KIAA1217: variants seen among roughly 807,000 people sequenced by gnomAD.
KIAA1217 encodes the protein sickle tail protein homolog.
KIAA1217 carries 88 observed loss-of-function variants against 163.9 expected under a neutral mutation model. The ratio of observed to expected loss-of-function variants is 0.54; its 90% CI spans 0.45 to 0.64. KIAA1217 has a LOEUF of 0.64. KIAA1217 is among the 30% of genes least tolerant of loss of function. The pLI, the probability that KIAA1217 is intolerant of heterozygous loss-of-function variation, is 0.00. For synonymous variants in KIAA1217, 903 were observed against 923.1 expected (o/e 0.98, Z 0.39); for missense variants, 2,372 against 2,475.0 (o/e 0.96, Z 0.88).
rs1161819141 is a variant in KIAA1217, at chr10:24,131,592, A to C, written c.-170-88034A>C. Among the ~76,000 whole-genome samples the C allele has an allele frequency of 2.0e-5, 3 of 152,222 alleles. No individual in the cohort carries two copies. In the East Asian group the frequency reaches 5.8e-4, roughly 29 times the overall value. ...CGTCCCATAATTATGCCCGCTGTAC[A>C]TCTTTATATCCCATAACAATTTTCT... On this transcript the variant is annotated intron_variant, in intron 2 of 18. Transcript: ENST00000376462.
At chr10:23,935,574 A>G (rs1228077340) in intron 1 of KIAA1217, among the ~76,000 whole-genome samples, 1 of 152,230 alleles carries the variant, frequency 6.6e-6, no homozygotes, top group Non-Finnish European at 1.5e-5. Context: ...TTAAAAACAA[A>G]AACATGAAAC....
At chr10:24,382,907 G>A (rs2053513156) in intron 3 of KIAA1217, among the ~76,000 whole-genome samples, 1 of 147,376 alleles carries the variant, frequency 6.8e-6, no homozygotes, top group Non-Finnish European at 1.5e-5. Flanking sequence ...GAGTGCAATG[G>A]CATGATCATG....
intron 2 of KIAA1217, among the ~76,000 whole-genome samples, chr10:24,068,250 A>G (rs1391194330): frequency 6.6e-6 from 1 of 152,198 alleles, no homozygotes; most frequent in African/African-American, 2.4e-5. Flanking sequence ...TGGGAGCTGT[A>G]GACTGGAGCT....
At chr10:24,476,757 C>T (rs2064088017) in intron 6 of KIAA1217, among the ~76,000 whole-genome samples, 1 of 152,112 alleles carries the variant, frequency 6.6e-6, no homozygotes. Flanking sequence ...AATTGGAATG[C>T]TTGGGTATAT....
intron 6 of KIAA1217, among the ~76,000 whole-genome samples, chr10:24,491,859 A>G (rs1249819931): frequency 6.7e-6 from 1 of 150,314 alleles, no homozygotes; most frequent in Non-Finnish European, 1.5e-5. Context: ...CCTATCCCAC[A>G]CTCCAGCTGT....
chr10:24,078,476 C>T (rs759920211), intron 2 of KIAA1217, among the ~76,000 whole-genome samples: 1 of 152,200 alleles, frequency 6.6e-6, no homozygotes, highest in Non-Finnish European at 1.5e-5. Flanking sequence ...TTACACGGCA[C>T]ACTTTTCTCT....
At chr10:23,932,386 T>A (rs1401161608) in intron 1 of KIAA1217, among the ~76,000 whole-genome samples, 1 of 151,654 alleles carries the variant, frequency 6.6e-6, no homozygotes, top group Non-Finnish European at 1.5e-5. Flanking sequence ...CAGCAAAATG[T>A]ACAAATTGAA....
At chr10:24,013,488 G>A (rs1293684447) in intron 2 of KIAA1217, among the ~76,000 whole-genome samples, 8 of 152,058 alleles carry the variant, frequency 5.3e-5, no homozygotes, top group African/African-American at 1.9e-4. Context: ...TCCTCTAGGA[G>A]CAATGATTCA....
chr10:24,088,564 C>A (rs1225919531), intron 2 of KIAA1217, among the ~76,000 whole-genome samples: 2 of 118,282 alleles, frequency 1.7e-5, no homozygotes, highest in African/African-American at 5.2e-5. Flanking sequence ...TTTGTCCTTG[C>A]GATAGTTTGC....
chr10:24,069,555 A>G (rs909860171), intron 2 of KIAA1217, among the ~76,000 whole-genome samples: 1 of 152,136 alleles, frequency 6.6e-6, no homozygotes, highest in African/African-American at 2.4e-5. Flanking sequence ...AGAAACTGGG[A>G]GCTAGGAGAC....
Position 23,840,418 on chromosome 10 carries a change from G to C in KIAA1217, c.-321+145184G>C, listed in dbSNP as rs539702117. ...GATCCACCCACCTTGGCCTCCTAAA[G>C]TGTTGGGATTACAGATGTGAGCCAC... On this transcript the variant is annotated intron_variant, in intron 1 of 18. Transcript: ENST00000376462. 2.6e-5 allele frequency among the ~76,000 whole-genome samples: 4 copies of C among 152,244 alleles called. No individual in the cohort carries two copies. In the South Asian group the frequency reaches 8.3e-4, roughly 32 times the overall value.
At chr10:24,490,333 G>C (rs930622067) in intron 6 of KIAA1217, among the ~76,000 whole-genome samples, 7 of 152,196 alleles carry the variant, frequency 4.6e-5, no homozygotes, top group African/African-American at 1.4e-4. Context: ...ATATTCTGAT[G>C]ATGAGCATGA....
chr10:23,895,141 G>A (rs1841618514), intron 1 of KIAA1217, among the ~76,000 whole-genome samples: 1 of 152,034 alleles, frequency 6.6e-6, no homozygotes, highest in Admixed American at 6.5e-5. Flanking sequence ...ATTGACAAAT[G>A]GGATCTCATT....
chr10:23,838,121 G>T (rs1376343292), intron 1 of KIAA1217, among the ~76,000 whole-genome samples: 1 of 152,074 alleles, frequency 6.6e-6, no homozygotes, highest in Non-Finnish European at 1.5e-5. Context: ...AATGATTGTT[G>T]GGCATGTGGA....
chr10:24,449,954 G>GT (rs1024441138), intron 5 of KIAA1217, among the ~76,000 whole-genome samples: 6 of 152,052 alleles, frequency 3.9e-5, no homozygotes, highest in African/African-American at 7.2e-5. Flanking sequence ...ACATTATTCT[G>GT]TTTTTTTGAA....
At chr10:24,334,270 C>T (rs938599544) in intron 2 of KIAA1217, among the ~76,000 whole-genome samples, 4 of 151,994 alleles carry the variant, frequency 2.6e-5, no homozygotes, top group Non-Finnish European at 4.4e-5. Flanking sequence ...TTGGGCATGG[C>T]GGAGCATGCC....
chr10:24,337,705 G>A (rs7905828), intron 2 of KIAA1217, among the ~76,000 whole-genome samples: 24,191 of 144,214 alleles, frequency 0.17, 2,664 homozygotes, highest in African/African-American at 0.3. Flanking sequence ...GTACAGTGGC[G>A]CAATCTCCAC....
intron 1 of KIAA1217, among the ~76,000 whole-genome samples, chr10:23,931,202 G>A (rs1324686579): frequency 6.6e-6 from 1 of 152,028 alleles, no homozygotes; most frequent in Non-Finnish European, 1.5e-5. Context: ...GGATGTTCTT[G>A]TATAATTCCT....
chr10:24,537,573 G>A (rs1197964085), intron 17 of KIAA1217, among the ~76,000 whole-genome samples: 1 of 138,702 alleles, frequency 7.2e-6, no homozygotes, highest in African/African-American at 2.8e-5. Context: ...GCAAAACTCT[G>A]TCTCAAAAAA....
Sources: allele counts gnomAD v4.1 joint callset (sites outside exome capture counted in the v4.1 genomes callset), GRCh38; gene constraint gnomAD v4.1.1; transcripts MANE v1.5; gene names NCBI Gene and HGNC (gene_info 2026-07-23, HGNC 2026-07-21).